SEMA5A: variants seen among roughly 807,000 people sequenced by gnomAD.
The protein encoded by SEMA5A is semaphorin-5A.
A neutral mutation model predicts 135.5 loss-of-function variants in SEMA5A; 55 were observed. The ratio of observed to expected loss-of-function variants is 0.41; its 90% CI spans 0.33 to 0.51. SEMA5A has a LOEUF of 0.51. Among genes scored for constraint, SEMA5A ranks in the 20% least tolerant of loss-of-function variants. The probability of loss-of-function intolerance (pLI) is 0.37; values close to 1 mark genes in which losing one functional copy is unlikely to be tolerated. For missense variants in SEMA5A, 1,290 were observed against 1,419.9 expected, an observed-to-expected ratio of 0.91 and a Z score of 1.47; for synonymous variants, 580 against 546.5, an observed-to-expected ratio of 1.06 and a Z score of -0.85.
chr5:9,211,271 GA>G (rs5865811), intron 8 of SEMA5A, among the ~76,000 whole-genome samples: 150,277 of 151,728 alleles, frequency 0.99, 74,429 homozygotes, highest in South Asian at 1. Context: ...TGCTTATTTG[GA>G]AAAAAAAAAT....
chr5:9,295,848 CTT>C (rs1290752624), intron 5 of SEMA5A, among the ~76,000 whole-genome samples: 1 of 152,180 alleles, frequency 6.6e-6, no homozygotes, highest in Non-Finnish European at 1.5e-5. Flanking sequence ...AACTTAACCT[CTT>C]TATTTTGTTA....
intron 5 of SEMA5A, chr5:9,280,656 A>G (rs1579272277): frequency 4.5e-6 from 1 of 220,754 alleles, no homozygotes; most frequent in East Asian, 1.2e-4. Context: ...ATTTTGGTAC[A>G]TAGGCAAATT....
At chr5:9,371,050 T>C (rs1755115038) in intron 3 of SEMA5A, among the ~76,000 whole-genome samples, 1 of 152,186 alleles carries the variant, frequency 6.6e-6, no homozygotes, top group African/African-American at 2.4e-5. Context: ...TAACAGTAAC[T>C]TTACAAATCC....
At chr5:9,377,412 A>G (rs1755408603) in intron 3 of SEMA5A, among the ~76,000 whole-genome samples, 1 of 152,168 alleles carries the variant, frequency 6.6e-6, no homozygotes, top group Non-Finnish European at 1.5e-5. Flanking sequence ...CAATAATTAA[A>G]CAAATGATAG....
intron 14 of SEMA5A, among the ~76,000 whole-genome samples, chr5:9,120,466 T>C (rs1342753345): frequency 2.0e-5 from 3 of 152,136 alleles, no homozygotes; most frequent in Non-Finnish European, 4.4e-5. Flanking sequence ...GTAATAGCTT[T>C]ATGTATGATA....
intron 1 of SEMA5A, among the ~76,000 whole-genome samples, chr5:9,527,082 G>T (rs920146169): frequency 6.6e-6 from 1 of 152,034 alleles, no homozygotes; most frequent in South Asian, 2.1e-4. Context: ...AAACACAAGG[G>T]ATAGTGCAGC....
chr5:9,335,722 C>A (rs1211983999), intron 4 of SEMA5A, among the ~76,000 whole-genome samples: 1 of 152,170 alleles, frequency 6.6e-6, no homozygotes, highest in Non-Finnish European at 1.5e-5. Flanking sequence ...CATGCCCTTG[C>A]CAGATGTAGG....
chr5:9,256,309 C>T (rs574792369), intron 5 of SEMA5A, among the ~76,000 whole-genome samples: 7 of 152,250 alleles, frequency 4.6e-5, no homozygotes, highest in East Asian at 3.9e-4. Flanking sequence ...TCTCTGACCC[C>T]GTGTGTCACC....
rs185640418 is a variant in SEMA5A at position 9,403,272 on chromosome 5, C to T, written c.-77-23249G>A. Among the ~76,000 whole-genome samples, 21 of 152,266 alleles carry T rather than the reference C, an allele frequency of 1.4e-4. 1 individual carries two copies. The East Asian group carries it at 4.1e-3, about 30-fold the overall frequency. On this transcript the variant is annotated intron_variant, in intron 2 of 22. Transcript: ENST00000382496. ...TATGAATTTAACTCCCCAATACAAA[C>T]CAGACCGTAAGCAAAGACACTCTTT...
chr5:9,196,356 T>C (rs1211265563), intron 10 of SEMA5A, among the ~76,000 whole-genome samples: 1 of 152,074 alleles, frequency 6.6e-6, no homozygotes, highest in Non-Finnish European at 1.5e-5. Flanking sequence ...CAAAGGTGTC[T>C]CTCCACCATG....
chr5:9,162,195 A>G (rs1158378227), intron 11 of SEMA5A, among the ~76,000 whole-genome samples: 1 of 152,088 alleles, frequency 6.6e-6, no homozygotes, highest in Non-Finnish European at 1.5e-5. Context: ...TGTCTCTTTT[A>G]TGAATAACCC....
chr5:9,196,234 G>A (rs1745377952), intron 10 of SEMA5A, among the ~76,000 whole-genome samples: 1 of 152,226 alleles, frequency 6.6e-6, no homozygotes, highest in Non-Finnish European at 1.5e-5. Context: ...CTCCAGTGTG[G>A]CTGTATATGG....
chr5:9,049,432 TG>T (rs1490959702), intron 21 of SEMA5A, among the ~76,000 whole-genome samples: 2 of 152,236 alleles, frequency 1.3e-5, no homozygotes, highest in Non-Finnish European at 2.9e-5. Context: ...CCCAAAGTGC[TG>T]GGATTACAGG....
chr5:9,325,777 T>G (rs1446485678), intron 4 of SEMA5A, among the ~76,000 whole-genome samples: 1 of 151,898 alleles, frequency 6.6e-6, no homozygotes, highest in Non-Finnish European at 1.5e-5. Flanking sequence ...GGACATTCTC[T>G]TAGAATAACT....
chr5:9,323,840 C>T (rs1381830773), intron 4 of SEMA5A, among the ~76,000 whole-genome samples: 1 of 150,470 alleles, frequency 6.6e-6, no homozygotes, highest in African/African-American at 2.4e-5. Context: ...TTTTATATTT[C>T]TGGTAGAGAC....
At chr5:9,080,966 C>T (rs984111671) in intron 16 of SEMA5A, among the ~76,000 whole-genome samples, 1 of 152,166 alleles carries the variant, frequency 6.6e-6, no homozygotes, top group African/African-American at 2.4e-5. Flanking sequence ...GGGATAGTCA[C>T]CCTCTTAATC....
chr5:9,334,565 C>T (rs767237390), intron 4 of SEMA5A, among the ~76,000 whole-genome samples: 3 of 152,154 alleles, frequency 2.0e-5, no homozygotes, highest in East Asian at 3.9e-4. Flanking sequence ...TAACTTCTCA[C>T]GGGTTATTTT....
chr5:9,322,981 C>T (rs1752695543), intron 4 of SEMA5A, among the ~76,000 whole-genome samples: 2 of 152,202 alleles, frequency 1.3e-5, no homozygotes, highest in Non-Finnish European at 2.9e-5. Flanking sequence ...CCTAGGCCAT[C>T]AATTTTCACC....
chr5:9,157,302 G>C (rs1012872302), intron 11 of SEMA5A, among the ~76,000 whole-genome samples: 3 of 152,084 alleles, frequency 2.0e-5, no homozygotes, highest in African/African-American at 7.2e-5. Flanking sequence ...ATTACCCTAG[G>C]GTCTGTCTTC....
Sources: gnomAD v4.1 joint callset for allele counts (sites outside exome capture counted in the v4.1 genomes callset) on GRCh38, gnomAD v4.1.1 for gene constraint, MANE v1.5 for transcripts, NCBI Gene and HGNC (gene_info 2026-07-23, HGNC 2026-07-21) for gene names.